CTTNBP2: variants seen among roughly 807,000 people sequenced by gnomAD.
CTTNBP2 encodes the protein cortactin-binding protein 2.
CTTNBP2 carries 108 observed loss-of-function variants against 156.9 expected under a neutral mutation model. The ratio of observed to expected loss-of-function variants is 0.69; its 90% confidence interval spans 0.59 to 0.81. The LOEUF (loss-of-function observed/expected upper bound fraction) is 0.81. CTTNBP2 is among the 30% of genes least tolerant of loss of function. The pLI is 0.00. For synonymous variants in CTTNBP2, 767 were observed against 751.8 expected (o/e 1.02, Z -0.33); for missense variants, 1,924 against 2,035.4 (o/e 0.95, Z 1.05).
chr7:117,715,024 AGTAAG>A (rs1448545376), intron 22 of CTTNBP2, among the ~76,000 whole-genome samples: 1 of 152,226 alleles, frequency 6.6e-6, no homozygotes, highest in Non-Finnish European at 1.5e-5. Flanking sequence ...ACTGACCTAA[AGTAAG>A]TTTTATTTAG....
At chr7:117,789,966 G>A (rs535653072) in intron 4 of CTTNBP2, among the ~76,000 whole-genome samples, 18 of 152,234 alleles carry the variant, frequency 1.2e-4, no homozygotes, top group African/African-American at 4.1e-4. Context: ...CTTATAATTG[G>A]ACAAATAAAT....
rs1273947573 is a variant in CTTNBP2, at chr7:117,810,960, T to C, written c.219A>G (p.Glu73=). The C allele has an allele frequency of 1.2e-6, 2 of 1,613,880 alleles. No homozygotes were observed. Among genetic ancestry groups the C allele is most frequent in the East Asian group, 4.5e-5 (2 of 44,886 alleles). Residue 73 remains glutamate, a synonymous_variant, in exon 3 of 23, where the codon GAA becomes GAG. Transcript: ENST00000160373. The part of the protein sequence containing the change: ...RARRKEVFIQ[E]RYGRFNLNDP... ...CATTTAGATTAAATCTCCCATACCG[T>C]TCCTGGATAAATACCTCCTTCCTGC...
chr7:117,771,647 C>A (rs1206325451), intron 8 of CTTNBP2, among the ~76,000 whole-genome samples: 1 of 152,110 alleles, frequency 6.6e-6, no homozygotes, highest in Non-Finnish European at 1.5e-5. Context: ...AGCAAGGAGA[C>A]CAGTTAAGAA....
rs1795629079 is a variant in CTTNBP2, at chr7:117,735,334, A to G, written c.3623T>C (p.Leu1208Ser). 1 of 1,613,888 alleles carries G rather than the reference A, an allele frequency of 6.2e-7. No individual in the cohort carries two copies. The highest frequency in any genetic ancestry group is 8.5e-7 in the Non-Finnish European group (1 of 1,179,916). ...AAGAGGTGCCAAAAAGTCCCTCAAT[A>G]ACTCCGACAGTGAAGATTTTTCTAA... ...ENLEKSSLSE[L>S]LRDFLAPLEN... The change falls in exon 15 of 23, where the codon TTA becomes TCA. Residue 1208 changes from leucine to serine, a missense_variant. Transcript: ENST00000160373.
At chr7:117,838,605 A>G (rs1438198065) in intron 2 of CTTNBP2, among the ~76,000 whole-genome samples, 1 of 152,226 alleles carries the variant, frequency 6.6e-6, no homozygotes, top group Non-Finnish European at 1.5e-5. Context: ...ATAGACATGA[A>G]TTCAGTCATT....
intron 3 of CTTNBP2, among the ~76,000 whole-genome samples, chr7:117,810,314 G>A (rs1039025048): frequency 3.9e-5 from 6 of 151,932 alleles, no homozygotes; most frequent in African/African-American, 9.7e-5. Flanking sequence ...ATTTCCCCCC[G>A]CCAAAATTAA....
At chr7:117,758,353 T>C (rs1309058025) in intron 10 of CTTNBP2, among the ~76,000 whole-genome samples, 1 of 151,896 alleles carries the variant, frequency 6.6e-6, no homozygotes, top group African/African-American at 2.4e-5. Flanking sequence ...TTGGGTGAGA[T>C]ATGAGATCAT....
At chr7:117,862,665 CACA>C (rs1194883586) in intron 1 of CTTNBP2, among the ~76,000 whole-genome samples, 2 of 152,212 alleles carry the variant, frequency 1.3e-5, no homozygotes, top group African/African-American at 4.8e-5. Flanking sequence ...GGAAGAGTAA[CACA>C]ACATTTATCC....
At chr7:117,761,457 G>T (rs142810688) in intron 9 of CTTNBP2, among the ~76,000 whole-genome samples, 224 of 152,320 alleles carry the variant, frequency 1.5e-3, no homozygotes, top group Middle Eastern at 6.8e-3. Flanking sequence ...TGTATGCTGA[G>T]TTACTTGTGT....
Position 117,792,229 on chromosome 7 carries a change from G to C in CTTNBP2, c.967C>G (p.Pro323Ala). ...GAAGGTTTTACAGGCATGGTTAAAGGCAACTTTTTCATGTGGTCAGCATTT... is the reference window on the plus strand; with the variant it reads ...GAAGGTTTTACAGGCATGGTTAAAGCCAACTTTTTCATGTGGTCAGCATTT... ...TENADHMKKL[P>A]LTMPVKPSTG... The change falls in exon 4 of 23, where the codon CCT (proline) becomes GCT (alanine). Residue 323 changes from proline (P) to alanine (A), a missense_variant. Coordinates refer to ENST00000160373, the MANE Select transcript of CTTNBP2 (RefSeq NM_033427.3). The surrounding 1 kb of genome is among the most constrained non-coding windows in gnomAD (Gnocchi z 4.2). 6.2e-7 allele frequency: 1 copy of C among 1,614,126 alleles called. No homozygotes were observed. Among genetic ancestry groups the C allele is most frequent in the Non-Finnish European group, 8.5e-7 (1 of 1,180,030 alleles).
At position 117,725,274 on chromosome 7, in the gene CTTNBP2, C is replaced by G; in HGVS notation, c.4056-17G>C. The G allele has an allele frequency of 1.2e-6, 2 of 1,607,778 alleles. No individual in the cohort carries two copies. Among genetic ancestry groups the G allele is most frequent in the Non-Finnish European group, 1.7e-6 (2 of 1,174,310 alleles). ...GACATCCACCTAGCAGGAGAGGGAC[C>G]GATTCATCCCTTAGGAGCAGGCTTC... On this transcript the variant is annotated splice_polypyrimidine_tract_variant and intron_variant, in intron 17 of 22. Transcript: ENST00000160373.
At chr7:117,748,086 C>T (rs1796433123) in intron 12 of CTTNBP2, among the ~76,000 whole-genome samples, 2 of 152,104 alleles carry the variant, frequency 1.3e-5, no homozygotes, top group South Asian at 4.2e-4. Flanking sequence ...AAGAACTTCC[C>T]CAGAGACACA....
chr7:117,814,659 C>T (rs1800476143), intron 2 of CTTNBP2, among the ~76,000 whole-genome samples: 1 of 152,194 alleles, frequency 6.6e-6, no homozygotes, highest in Admixed American at 6.5e-5. Flanking sequence ...AACTCCTAAG[C>T]TCAAGCAATC....
chr7:117,749,997 C>T (rs1320080426), intron 12 of CTTNBP2, among the ~76,000 whole-genome samples: 3 of 152,064 alleles, frequency 2.0e-5, no homozygotes, highest in African/African-American at 4.8e-5. Context: ...AATCCCAAAT[C>T]GCTATGATTT....
At chr7:117,781,983 T>C (rs1363178014) in intron 6 of CTTNBP2, among the ~76,000 whole-genome samples, 1 of 152,160 alleles carries the variant, frequency 6.6e-6, no homozygotes, top group Non-Finnish European at 1.5e-5. Context: ...GGTAATGAGG[T>C]ATGTGGTAGA....
At chr7:117,713,839 G>C (rs1794190625) in intron 22 of CTTNBP2, 1 of 152,128 alleles carries the variant, frequency 6.6e-6, no homozygotes, top group African/African-American at 2.4e-5. Flanking sequence ...TATATACTTG[G>C]CTAGTGGTTT....
In CTTNBP2 at chr7:117,724,540, C is replaced by T; in HGVS notation, c.4447+7G>A. The T allele has an allele frequency of 6.2e-7, 1 of 1,606,954 alleles. No homozygotes were observed. Among genetic ancestry groups the T allele is most frequent in the South Asian group, 1.1e-5 (1 of 90,430 alleles). ...TGGTAGGCAACATGCCTACCCCCGC[C>T]CTTTACCTTCAGTGCTTAGGTCTGG... On this transcript the variant is annotated splice_region_variant and intron_variant, in intron 19 of 22. Transcript: ENST00000160373.
chr7:117,832,798 G>C (rs1285246940), intron 2 of CTTNBP2, among the ~76,000 whole-genome samples: 1 of 140,460 alleles, frequency 7.1e-6, no homozygotes, highest in East Asian at 2.1e-4. Flanking sequence ...CAGGGCTGGA[G>C]TACAGTGGCG....
Position 117,810,807 on chromosome 7 carries a change from C to A in CTTNBP2, c.372G>T (p.Arg124Ser), listed in dbSNP as rs1800231902. ...VMAHCKKMQERMSAQLAAAES... is the reference protein window; with the variant it reads ...VMAHCKKMQESMSAQLAAAES... ...CAGCAGCAGCCAGCTGTGCGGACAT[C>A]CTTTCTTGCATTTTCTTGCAGTGGG... Residue 124 changes from arginine to serine, a missense_variant, in exon 3 of 23, where the codon AGG becomes AGT. Physicochemically the swap from Arg to Ser is moderately radical, Grantham distance 110 (BLOSUM62 -1). Transcript: ENST00000160373. 6.2e-7 allele frequency: 1 copy of A among 1,613,882 alleles called. No homozygotes were observed. Among genetic ancestry groups the A allele is most frequent in the Non-Finnish European group, 8.5e-7 (1 of 1,179,992 alleles).
Sources: allele counts gnomAD v4.1 joint callset (sites outside exome capture counted in the v4.1 genomes callset), GRCh38; gene constraint gnomAD v4.1.1; non-coding constraint Gnocchi (gnomAD v3.1); transcripts MANE v1.5; gene names NCBI Gene and HGNC (gene_info 2026-07-23, HGNC 2026-07-21).